The following ATP6V1H variants were observed in gnomAD, a reference collection of about 807,000 sequenced individuals.
The protein encoded by ATP6V1H is ATPase H+ transporting V1 subunit H.
Under a neutral mutation model 71.7 loss-of-function variants are expected in ATP6V1H, and 39 were observed. That is an observed-to-expected ratio of 0.54 (90% CI 0.42 to 0.71). The LOEUF (loss-of-function observed/expected upper bound fraction) is 0.71. Ranked by LOEUF, ATP6V1H falls within the 30% of genes least tolerant of loss-of-function variation. The pLI is 0.00. For synonymous variants in ATP6V1H, 192 were observed against 199.3 expected (o/e 0.96, Z 0.31); for missense variants, 509 against 594.9 (o/e 0.86, Z 1.50).
Position 53,769,762 on chromosome 8 carries a change from G to C in ATP6V1H, c.1050-19C>G. The C allele has an allele frequency of 6.3e-7, 1 of 1,583,444 alleles. No individual in the cohort carries two copies. Among genetic ancestry groups the C allele is most frequent in the Non-Finnish European group, 8.6e-7 (1 of 1,165,450 alleles). On this transcript the variant is annotated intron_variant, in intron 10 of 13. Coordinates refer to ENST00000359530, the MANE Select transcript of ATP6V1H (RefSeq NM_015941.4). ...AAATGAACTATAAAAATGTTCAAAAGAATTCAAGGTTTATAAGAATCTGAC... is the reference window on the plus strand; with the variant it reads ...AAATGAACTATAAAAATGTTCAAAACAATTCAAGGTTTATAAGAATCTGAC...
intron 9 of ATP6V1H, among the ~76,000 whole-genome samples, chr8:53,779,406 A>G (rs988140285): frequency 2.6e-5 from 4 of 151,660 alleles, no homozygotes; most frequent in African/African-American, 9.7e-5. Context: ...TTAACAATGC[A>G]CTCCTATGTA....
chr8:53,773,982 A>C (rs1475827335), intron 9 of ATP6V1H, among the ~76,000 whole-genome samples: 2 of 152,228 alleles, frequency 1.3e-5, no homozygotes, highest in African/African-American at 2.4e-5. Flanking sequence ...AAGAATAAAA[A>C]GATAAAAGAT....
intron 5 of ATP6V1H, among the ~76,000 whole-genome samples, chr8:53,815,344 T>C (rs980642521): frequency 2.0e-5 from 3 of 152,358 alleles, no homozygotes; most frequent in African/African-American, 7.2e-5. Flanking sequence ...TATAAAGTAC[T>C]AGTTCTCCAT....
chr8:53,817,369 C>A (rs755778103), intron 5 of ATP6V1H, 48 bp downstream of exon 5: 1 of 1,332,242 alleles, frequency 7.5e-7, no homozygotes, highest in Admixed American at 1.9e-5. Context: ...GAGACCCTCT[C>A]TCTTTAAAAA....
chr8:53,761,065 GGTGGCTCACGCCT>G lies in ATP6V1H; in HGVS notation c.1176-4422_1176-4410del, dbSNP rs376195034. On this transcript the variant is annotated intron_variant, in intron 11 of 13. Transcript: ENST00000359530. ...AAAATACCATATACTAGCCAGGCGCGGTGGCTCACGCCTGTAATCCCAGCACTTTGGGAGGCCG... is the reference window on the plus strand; with the variant it reads ...AAAATACCATATACTAGCCAGGCGCGGTAATCCCAGCACTTTGGGAGGCCG... Among the ~76,000 whole-genome samples the G allele has an allele frequency of 3.5e-3, 535 of 152,212 alleles. 3 individuals carry two copies. The highest frequency in any genetic ancestry group is 0.012 in the African/African-American group (493 of 41,528).
intron 12 of ATP6V1H, among the ~76,000 whole-genome samples, chr8:53,754,955 G>C (rs951042343): frequency 1.3e-5 from 2 of 152,240 alleles, no homozygotes; most frequent in Non-Finnish European, 2.9e-5. Context: ...AATTAGGGAA[G>C]TACAGAGCCG....
Position 53,755,745 on chromosome 8 carries a change from T to TC in ATP6V1H, c.1277+809_1277+810insG, listed in dbSNP as rs1808027276. ...ATATATATATATATATATATATATATTTTTTTTTTTTTTTTTTTTTTTTTT... is the reference window on the plus strand; with the variant it reads ...ATATATATATATATATATATATATATCTTTTTTTTTTTTTTTTTTTTTTTTT... On this transcript the variant is annotated intron_variant, in intron 12 of 13. Transcript: ENST00000359530. 9.4e-3 allele frequency among the ~76,000 whole-genome samples: 18 copies of TC among 1,918 alleles called. 1 individual carries two copies. The highest frequency in any genetic ancestry group is 0.038 in the African/African-American group (18 of 474). The allele number at this position is 1,918 out of a possible 152,430, so 1.3% of individuals were successfully genotyped here.
intron 4 of ATP6V1H, among the ~76,000 whole-genome samples, chr8:53,818,999 A>G (rs1810543327): frequency 1.3e-5 from 2 of 152,070 alleles, no homozygotes; most frequent in Admixed American, 1.3e-4. Context: ...TGAGCCCAGG[A>G]GTTCAAGACC....
chr8:53,828,091 A>G (rs764958210), intron 4 of ATP6V1H, among the ~76,000 whole-genome samples: 3 of 152,210 alleles, frequency 2.0e-5, no homozygotes, highest in South Asian at 2.1e-4. Context: ...TGGTCTTTAC[A>G]GTAGGACGAT....
At chr8:53,827,675 A>G (rs1454786309) in intron 4 of ATP6V1H, among the ~76,000 whole-genome samples, 1 of 152,064 alleles carries the variant, frequency 6.6e-6, no homozygotes. Context: ...ACTCATGTCA[A>G]GGGGGTATGT....
intron 7 of ATP6V1H, among the ~76,000 whole-genome samples, chr8:53,809,142 C>G (rs973106530): frequency 1.3e-5 from 2 of 152,134 alleles, no homozygotes; most frequent in African/African-American, 4.8e-5. Flanking sequence ...TCTGTGTGAC[C>G]TCGGGCATGT....
At chr8:53,727,625 C>T (rs1191146099) in intron 13 of ATP6V1H, among the ~76,000 whole-genome samples, 1 of 152,204 alleles carries the variant, frequency 6.6e-6, no homozygotes, top group Non-Finnish European at 1.5e-5. Context: ...TCCTGTTCTA[C>T]ACACATTTTT....
chr8:53,831,181 T>C (rs760621516), intron 3 of ATP6V1H, among the ~76,000 whole-genome samples: 1 of 152,248 alleles, frequency 6.6e-6, no homozygotes, highest in African/African-American at 2.4e-5. Flanking sequence ...GGGAAAGTTC[T>C]GAGAAATTCA....
At chr8:53,808,584 A>G (rs1810166842) in intron 7 of ATP6V1H, among the ~76,000 whole-genome samples, 1 of 152,188 alleles carries the variant, frequency 6.6e-6, no homozygotes. Context: ...CCTGGACAAC[A>G]TAGCGAGACC....
intron 9 of ATP6V1H, among the ~76,000 whole-genome samples, chr8:53,780,473 A>G (rs1809068754): frequency 6.6e-6 from 1 of 152,260 alleles, no homozygotes; most frequent in African/African-American, 2.4e-5. Flanking sequence ...TGAATCTGCC[A>G]GAAATAATCT....
At chr8:53,721,139 AAAAT>A (rs1392517904) in intron 13 of ATP6V1H, among the ~76,000 whole-genome samples, 1 of 152,206 alleles carries the variant, frequency 6.6e-6, no homozygotes. Flanking sequence ...GTAAAGGGGA[AAAAT>A]AAATCATCAA....
chr8:53,783,499 G>A (rs1809247782), intron 9 of ATP6V1H, among the ~76,000 whole-genome samples: 1 of 152,072 alleles, frequency 6.6e-6, no homozygotes, highest in Non-Finnish European at 1.5e-5. Flanking sequence ...CCAGCTCCTG[G>A]ATTCATTGAT....
intron 4 of ATP6V1H, among the ~76,000 whole-genome samples, chr8:53,822,950 T>C (rs1023196398): frequency 3.6e-4 from 55 of 152,132 alleles, no homozygotes; most frequent in African/African-American, 1.3e-3. Context: ...CTAATGTGTA[T>C]ATATGCACCA....
At chr8:53,782,433 G>C (rs891151615) in intron 9 of ATP6V1H, among the ~76,000 whole-genome samples, 1 of 151,982 alleles carries the variant, frequency 6.6e-6, no homozygotes, top group African/African-American at 2.4e-5. Flanking sequence ...AGCTTAAGGA[G>C]ATTTTGGGCT....
Sources: allele counts gnomAD v4.1 joint callset (sites outside exome capture counted in the v4.1 genomes callset), GRCh38; gene constraint gnomAD v4.1.1; transcripts MANE v1.5; gene names NCBI Gene and HGNC (gene_info 2026-07-23, HGNC 2026-07-21).